RFX4: variants seen among roughly 807,000 people sequenced by gnomAD.
RFX4 encodes the protein regulatory factor X4.
RFX4 carries 10 observed loss-of-function variants against 95.0 expected under a neutral mutation model. The ratio of observed to expected loss-of-function variants is 0.11; its 90% confidence interval spans 0.06 to 0.18. RFX4 has a LOEUF of 0.18. Ranked by LOEUF, RFX4 falls within the 10% of genes least tolerant of loss-of-function variation. The pLI is 1.00. For missense variants in RFX4, 640 were observed against 922.0 expected, an observed-to-expected ratio of 0.69 and a Z score of 3.96; for synonymous variants, 321 against 340.7, an observed-to-expected ratio of 0.94 and a Z score of 0.64.
intron 4 of RFX4, among the ~76,000 whole-genome samples, chr12:106,660,228 G>GTATAC (rs1485563832): frequency 6.6e-6 from 1 of 151,946 alleles, no homozygotes; most frequent in African/African-American, 2.4e-5. Flanking sequence ...ACACATGAGT[G>GTATAC]ACTGCAAAAC....
chr12:106,625,015 C>A (rs904133293), intron 2 of RFX4, among the ~76,000 whole-genome samples: 5 of 151,992 alleles, frequency 3.3e-5, no homozygotes, highest in African/African-American at 1.2e-4. Flanking sequence ...GGGACCTGGT[C>A]AAAATGAAAA....
intron 15 of RFX4, among the ~76,000 whole-genome samples, chr12:106,744,688 C>G (rs902575273): frequency 6.6e-6 from 1 of 152,132 alleles, no homozygotes; most frequent in Non-Finnish European, 1.5e-5. Context: ...CCTGGCAGAA[C>G]CAGAACCCAG....
intron 10 of RFX4, chr12:106,715,176 C>T: frequency 2.0e-6 from 1 of 507,582 alleles, no homozygotes; most frequent in Non-Finnish European, 3.5e-6. Flanking sequence ...CTCGCAGTTT[C>T]TTGTAGAGAA....
intron 13 of RFX4, among the ~76,000 whole-genome samples, chr12:106,724,416 G>A (rs1327980970): frequency 6.6e-6 from 1 of 152,128 alleles, no homozygotes. Context: ...AATACTCTGG[G>A]CTCAGATGCA....
At chr12:106,618,612 C>A (rs1003884569) in intron 2 of RFX4, among the ~76,000 whole-genome samples, 5 of 151,936 alleles carry the variant, frequency 3.3e-5, no homozygotes, top group Admixed American at 3.3e-4. Flanking sequence ...TCTTTTTCAT[C>A]TTTTTATTTT....
chr12:106,654,399 A>C (rs545668141), intron 4 of RFX4, 48 bp downstream of exon 4: 3 of 1,579,202 alleles, frequency 1.9e-6, no homozygotes, highest in South Asian at 2.3e-5. Flanking sequence ...CCCAACTTTA[A>C]GTAATTTATG....
At chr12:106,588,138 C>A (rs1367514555) in intron 1 of RFX4, among the ~76,000 whole-genome samples, 2 of 152,180 alleles carry the variant, frequency 1.3e-5, no homozygotes, top group East Asian at 3.8e-4. Context: ...ATATGACCCA[C>A]TGCACAATTA....
At chr12:106,691,344 G>A (rs1216635977) in intron 7 of RFX4, among the ~76,000 whole-genome samples, 2 of 152,202 alleles carry the variant, frequency 1.3e-5, no homozygotes, top group East Asian at 3.9e-4. Context: ...TTTGGCCAAG[G>A]TCACACAGTT....
At chr12:106,614,254 A>G (rs2040021825) in intron 2 of RFX4, among the ~76,000 whole-genome samples, 1 of 151,312 alleles carries the variant, frequency 6.6e-6, no homozygotes, top group Non-Finnish European at 1.5e-5. Flanking sequence ...TCTGCCTCCC[A>G]GGTTCAAGTG....
chr12:106,738,929 G>A (rs1232928843), intron 15 of RFX4, among the ~76,000 whole-genome samples: 1 of 152,126 alleles, frequency 6.6e-6, no homozygotes, highest in African/African-American at 2.4e-5. Flanking sequence ...AAACAATTAT[G>A]TAAATCTTAT....
At chr12:106,684,714 G>A in intron 5 of RFX4, 3 of 1,494,240 alleles carry the variant, frequency 2.0e-6, no homozygotes, top group Middle Eastern at 1.8e-4. Context: ...TTCCAGGTGG[G>A]AAGGCAGTTA....
intron 8 of RFX4, among the ~76,000 whole-genome samples, chr12:106,700,403 C>CTTTT (rs989886928): frequency 1.5e-4 from 19 of 122,692 alleles, no homozygotes; most frequent in Non-Finnish European, 2.2e-4. Context: ...TCTTCTTTTT[C>CTTTT]TTTTTTTTTT....
At chr12:106,589,391 T>C (rs1260126681) in intron 1 of RFX4, among the ~76,000 whole-genome samples, 4 of 152,150 alleles carry the variant, frequency 2.6e-5, no homozygotes, top group Admixed American at 2.6e-4. Context: ...TGGTGAGCAC[T>C]ACAAGGAACA....
At chr12:106,602,592 C>A (rs936868290) in intron 1 of RFX4, among the ~76,000 whole-genome samples, 3 of 152,172 alleles carry the variant, frequency 2.0e-5, no homozygotes, top group African/African-American at 7.2e-5. Flanking sequence ...TCTGCATCAG[C>A]CACCTGAGCC....
chr12:106,748,957 C>T (rs2042945701), intron 16 of RFX4, among the ~76,000 whole-genome samples: 1 of 151,958 alleles, frequency 6.6e-6, no homozygotes, highest in Non-Finnish European at 1.5e-5. Flanking sequence ...TAGTGGCACG[C>T]GCCTGTAGTC....
chr12:106,620,326 G>T (rs2040157238), intron 2 of RFX4, among the ~76,000 whole-genome samples: 1 of 152,124 alleles, frequency 6.6e-6, no homozygotes, highest in Admixed American at 6.6e-5. Flanking sequence ...AATAAAGAGA[G>T]ACAGTACAAA....
intron 2 of RFX4, among the ~76,000 whole-genome samples, chr12:106,626,624 A>G (rs967681862): frequency 6.6e-6 from 1 of 152,218 alleles, no homozygotes; most frequent in South Asian, 2.1e-4. Flanking sequence ...ATGCAGGTGG[A>G]TTCAAGCCAG....
At chr12:106,721,308 G>A (rs1341191198) in intron 13 of RFX4, among the ~76,000 whole-genome samples, 6 of 152,166 alleles carry the variant, frequency 3.9e-5, no homozygotes, top group African/African-American at 1.2e-4. Context: ...ATGACCTTAA[G>A]TTTTCTTTAA....
chr12:106,703,703 G>A (rs1744699483), intron 8 of RFX4, among the ~76,000 whole-genome samples: 1 of 152,160 alleles, frequency 6.6e-6, no homozygotes, highest in Admixed American at 6.5e-5. Context: ...GGGTACAAAT[G>A]AAATGTTAAC....
Sources: allele counts gnomAD v4.1 joint callset (sites outside exome capture counted in the v4.1 genomes callset), GRCh38; gene constraint gnomAD v4.1.1; transcripts MANE v1.5; gene names NCBI Gene and HGNC (gene_info 2026-07-23, HGNC 2026-07-21).